The following CTXN2 variants were observed in gnomAD, a reference collection of about 807,000 sequenced individuals.
CTXN2 encodes cortexin 2.
In CTXN2, 3 loss-of-function variants were observed where a neutral mutation model predicts 5.7. The ratio of observed to expected loss-of-function variants is 0.53; its 90% CI spans 0.24 to 1.36. The LOEUF (loss-of-function observed/expected upper bound fraction) is 1.36, where lower values mean the gene tolerates loss of function less well. Among genes scored for constraint, CTXN2 ranks in the 40% most tolerant of loss-of-function variants. The probability of loss-of-function intolerance (pLI) is 0.17; values close to 1 mark genes in which losing one functional copy is unlikely to be tolerated. For missense variants in CTXN2, 87 were observed against 93.0 expected, an observed-to-expected ratio of 0.94 and a Z score of 0.26; for synonymous variants, 38 against 36.4, an observed-to-expected ratio of 1.04 and a Z score of -0.16.
rs559996861 is a variant in CTXN2, at chr15:48,201,342, T to C, written c.42T>C (p.Ser14=). Reference sequence around the variant, plus strand: ...GTGGCAACTCTTCAGCTAAGATGAGTGTCAACGAAGTATCAGCTTTCTCAT... The same window carrying C: ...GTGGCAACTCTTCAGCTAAGATGAGCGTCAACGAAGTATCAGCTTTCTCAT... ...TYCGNSSAKM[S]VNEVSAFSLT... is the part of the protein sequence containing the mutation. The change falls in exon 2 of 2, where the codon AGT becomes AGC. Residue 14 remains serine, a synonymous_variant. Transcript: ENST00000417307. 1 of 1,551,238 alleles carries C rather than the reference T, an allele frequency of 6.4e-7. No individual in the cohort carries two copies. The highest frequency in any genetic ancestry group is 8.7e-7 in the Non-Finnish European group (1 of 1,146,634).
At chr15:48,194,495 A>G (rs1275995452) in intron 1 of CTXN2, among the ~76,000 whole-genome samples, 1 of 152,124 alleles carries the variant, frequency 6.6e-6, no homozygotes, top group Non-Finnish European at 1.5e-5. Context: ...ATAATTCTGA[A>G]TGCCAACCAT....
chr15:48,191,924 C>A, intron 1 of CTXN2, 71 bp downstream of exon 1: 1 of 432,296 alleles, frequency 2.3e-6, no homozygotes, highest in Non-Finnish European at 4.7e-6. Context: ...GTTCCAAATG[C>A]AGGTCCAGAT....
intron 1 of CTXN2, among the ~76,000 whole-genome samples, chr15:48,194,896 C>T (rs1239385985): frequency 1.3e-5 from 2 of 152,134 alleles, no homozygotes; most frequent in Non-Finnish European, 2.9e-5. Context: ...CTTTTCTTCT[C>T]TTTAAGTTTT....
chr15:48,180,502 GTTTGT>G (rs964279862), intron 1 of CTXN2, among the ~76,000 whole-genome samples: 2 of 151,940 alleles, frequency 1.3e-5, no homozygotes, highest in African/African-American at 4.8e-5. Context: ...TACTGTTTTG[GTTTGT>G]TTTGTTTTGT....
At chr15:48,183,668 A>C (rs1029347957) in intron 1 of CTXN2, among the ~76,000 whole-genome samples, 3 of 152,214 alleles carry the variant, frequency 2.0e-5, no homozygotes, top group African/African-American at 7.2e-5. Flanking sequence ...AAAATGCCTG[A>C]ACTTCTAAAT....
Position 48,203,241 on chromosome 15 carries a change from G to A in CTXN2, c.*1695G>A, listed in dbSNP as rs1194315449. 1 of 167,030 alleles carries A rather than the reference G, an allele frequency of 6.0e-6. No individual in the cohort carries two copies. The highest frequency in any genetic ancestry group is 1.5e-5 in the Non-Finnish European group (1 of 68,122). The allele number at this position is 167,030 out of a possible 1,614,324, so 10.3% of individuals were successfully genotyped here. ...GGCATGGTTACTGCTCAGGTCTATG[G>A]AATTCCAAAACCAGCTGTCTCTGTG... On this transcript the variant is annotated 3_prime_UTR_variant, in exon 2 of 2. Coordinates refer to ENST00000417307, the MANE Select transcript of CTXN2 (RefSeq NM_001145668.2).
chr15:48,194,214 AT>A lies in CTXN2; in HGVS notation c.-58+2371del, dbSNP rs11373642. Among the ~76,000 whole-genome samples the A allele has an allele frequency of 8.4e-3, 1,235 of 147,716 alleles. 14 individuals carry two copies. Among genetic ancestry groups the A allele is most frequent in the African/African-American group, 0.028 (1,159 of 40,900 alleles). On this transcript the variant is annotated intron_variant, in intron 1 of 1. Transcript: ENST00000417307. Reference sequence around the variant, plus strand: ...TAAAACATTTGTTCTTTCTCAACCCATTTTTTTTTTGTTAAAAATGGAAATT... The same window carrying A: ...TAAAACATTTGTTCTTTCTCAACCCATTTTTTTTTGTTAAAAATGGAAATT...
chr15:48,182,377 T>C (rs2040707530), intron 1 of CTXN2, among the ~76,000 whole-genome samples: 1 of 152,256 alleles, frequency 6.6e-6, no homozygotes, highest in Non-Finnish European at 1.5e-5. Flanking sequence ...ATTGGATTTC[T>C]GTCTGTGATC....
chr15:48,178,487 T>C (rs2040646741), intron 1 of CTXN2: 1 of 424,768 alleles, frequency 2.4e-6, no homozygotes, highest in Non-Finnish European at 4.1e-6. Flanking sequence ...CAGTCGGCCC[T>C]ACACCTGCCT....
intron 1 of CTXN2, among the ~76,000 whole-genome samples, chr15:48,180,535 G>T (rs1469743071): frequency 6.6e-6 from 1 of 152,080 alleles, no homozygotes; most frequent in African/African-American, 2.4e-5. Flanking sequence ...TTTTTGAGAT[G>T]GAGTCTCGCT....
In CTXN2 at chr15:48,203,233, G is replaced by A. The variant is rs1023416596; in HGVS notation, c.*1687G>A. ...AGCTTATAGGCATGGTTACTGCTCA[G>A]GTCTATGGAATTCCAAAACCAGCTG... On this transcript the variant is annotated 3_prime_UTR_variant, in exon 2 of 2. Transcript: ENST00000417307. 1 of 167,008 alleles carries A rather than the reference G, an allele frequency of 6.0e-6. No individual in the cohort carries two copies. The highest frequency in any genetic ancestry group is 2.4e-5 in the African/African-American group (1 of 41,424). 10.3% of individuals were successfully genotyped at this position (167,008 alleles called of 1,614,324 possible). A position where few individuals can be genotyped will look rare whatever the true frequency, so the allele number is the denominator to read the frequency against.
At position 48,184,926 on chromosome 15, in the gene CTXN2, A is replaced by T. The variant is rs548099870; in HGVS notation, c.-455+6526A>T. ...CTTTCAACAGATATATAGATAAATA[A>T]ACTGTGGCATATCCATACAATGAAA... On this transcript the variant is annotated intron_variant, in intron 1 of 2. Transcript: ENST00000644354. 2.6e-5 allele frequency among the ~76,000 whole-genome samples: 4 copies of T among 152,292 alleles called. No individual in the cohort carries two copies. The East Asian group carries it at 7.7e-4, about 29-fold the overall frequency.
rs2140991165 is a variant in CTXN2 at position 48,201,246 on chromosome 15, A to G, written c.-55A>G. On this transcript the variant is annotated splice_region_variant and 5_prime_UTR_variant, in exon 2 of 2. Transcript: ENST00000417307. Reference sequence around the variant, plus strand: ...ACTGAGTCCAATTTTGTACCTAGGCAAAGAGTTGATTCCAGAAGGAACTGT... The same window carrying G: ...ACTGAGTCCAATTTTGTACCTAGGCGAAGAGTTGATTCCAGAAGGAACTGT... 6.5e-7 allele frequency: 1 copy of G among 1,539,424 alleles called. No individual in the cohort carries two copies. Among genetic ancestry groups the G allele is most frequent in the Non-Finnish European group, 8.8e-7 (1 of 1,138,714 alleles).
Position 48,201,327 on chromosome 15 carries a change from T to G in CTXN2, c.27T>G (p.Ser9=). Residue 9 remains serine (S), a synonymous_variant, in exon 2 of 2, where the codon TCT becomes TCG. Transcript: ENST00000417307. MSSTYCGN[S]SAKMSVNEVS... Reference sequence around the variant, plus strand: ...TGAGTAGTACCTACTGTGGCAACTCTTCAGCTAAGATGAGTGTCAACGAAG... The same window carrying G: ...TGAGTAGTACCTACTGTGGCAACTCGTCAGCTAAGATGAGTGTCAACGAAG... The G allele has an allele frequency of 3.2e-6, 5 of 1,551,268 alleles. No homozygotes were observed. The highest frequency in any genetic ancestry group is 4.4e-6 in the Non-Finnish European group (5 of 1,146,630).
intron 1 of CTXN2, among the ~76,000 whole-genome samples, chr15:48,200,271 CT>C (rs1689838749): frequency 1.3e-5 from 2 of 150,012 alleles, no homozygotes; most frequent in African/African-American, 5.1e-5. Context: ...AAAAAGGTGG[CT>C]GTACATTAGT....
chr15:48,186,415 C>A (rs766456810), intron 1 of CTXN2, among the ~76,000 whole-genome samples: 1 of 152,168 alleles, frequency 6.6e-6, no homozygotes, highest in African/African-American at 2.4e-5. Flanking sequence ...ATACTTAGAT[C>A]ATTTCTTCAC....
chr15:48,187,702 T>C (rs1409189343), upstream of CTXN2, among the ~76,000 whole-genome samples: 1 of 152,196 alleles, frequency 6.6e-6, no homozygotes, highest in East Asian at 1.9e-4. Flanking sequence ...TTCAGTTTCT[T>C]TGTGACAACC....
chr15:48,201,138 T>C (rs937365082), intron 1 of CTXN2, 106 bp from the exon 2 acceptor site: 44 of 642,106 alleles, frequency 6.9e-5, no homozygotes, highest in African/African-American at 5.0e-4. Context: ...AAACATCTTT[T>C]GTGAGTTAAG....
At chr15:48,200,429 T>C (rs932922130) in intron 1 of CTXN2, among the ~76,000 whole-genome samples, 3 of 152,154 alleles carry the variant, frequency 2.0e-5, no homozygotes, top group Admixed American at 6.6e-5. Flanking sequence ...CTCAGCACAA[T>C]AGGGACTTAG....
Sources: gnomAD v4.1 joint callset for allele counts (sites outside exome capture counted in the v4.1 genomes callset) on GRCh38, gnomAD v4.1.1 for gene constraint, MANE v1.5 for transcripts, NCBI Gene and HGNC (gene_info 2026-07-23, HGNC 2026-07-21) for gene names.